PLAC1: variants seen among roughly 807,000 people sequenced by gnomAD.
PLAC1 encodes the protein placenta-specific protein 1.
For missense variants in PLAC1, 136 were observed against 163.2 expected (o/e 0.83, Z 0.91); for synonymous variants, 68 against 62.1 (o/e 1.09, Z -0.44).
intron 2 of PLAC1, among the ~76,000 whole-genome samples, chrX:134,684,422 A>AAC (rs1258637910): frequency 1.8e-5 from 2 of 108,725 alleles, no homozygotes; most frequent in Non-Finnish European, 3.8e-5. Context: ...AAAAAAAAAA[A>AAC]AAAAAAAAAA....
At chrX:134,761,443 G>A (rs897301192) in intron 1 of PLAC1, among the ~76,000 whole-genome samples, 32 of 112,072 alleles carry the variant, frequency 2.9e-4, no homozygotes, top group African/African-American at 8.8e-4. Context: ...GTTCGGGATC[G>A]GGGGGAAGGG....
chrX:134,649,912 G>A (rs761561580), intron 1 of PLAC1, among the ~76,000 whole-genome samples: 2 of 111,457 alleles, frequency 1.8e-5, no homozygotes, highest in Non-Finnish European at 3.8e-5. Flanking sequence ...CGCCCCGGGG[G>A]GAATCACAGA....
chrX:134,753,008 G>A (rs972873578), intron 1 of PLAC1, among the ~76,000 whole-genome samples: 12 of 111,454 alleles, frequency 1.1e-4, no homozygotes, highest in East Asian at 5.6e-4. Flanking sequence ...CAGCACATCC[G>A]CCTTTCTTGC....
At chrX:134,724,833 T>A (rs1301543557) in intron 2 of PLAC1, among the ~76,000 whole-genome samples, 1 of 110,971 alleles carries the variant, frequency 9.0e-6, no homozygotes, top group African/African-American at 3.3e-5. Flanking sequence ...CGAAACCCCA[T>A]CTCTACAAAA....
intron 2 of PLAC1, among the ~76,000 whole-genome samples, chrX:134,672,066 T>C (rs942083276): frequency 1.8e-5 from 2 of 111,655 alleles, no homozygotes; most frequent in African/African-American, 6.5e-5. Context: ...CAGTACAAAG[T>C]ACACTGCCTG....
rs146915449 is a variant in PLAC1, at chrX:134,668,468, T to C, written n.174+64967A>G. Among the ~76,000 whole-genome samples, 981 of 112,768 alleles carry C rather than the reference T, an allele frequency of 8.7e-3. 11 individuals carry two copies. Among genetic ancestry groups the C allele is most frequent in the African/African-American group, 0.03 (942 of 31,038 alleles). On this transcript the variant is annotated intron_variant and non_coding_transcript_variant, in intron 2 of 2. Transcript: ENST00000466797. The stretch of plus-strand genomic sequence containing the variant: ...ATGGTAGGGCTAAGATGTCAGTCCA[T>C]TCAGTCTTACTCCAGCACCCACACC...
chrX:134,730,082 C>T (rs759845055), intron 2 of PLAC1, among the ~76,000 whole-genome samples: 4 of 111,901 alleles, frequency 3.6e-5, no homozygotes, highest in Non-Finnish European at 7.5e-5. Context: ...TGAGCCATCA[C>T]ACCTGGCCCC....
intron 2 of PLAC1, among the ~76,000 whole-genome samples, chrX:134,664,959 A>G (rs2147807727): frequency 8.9e-6 from 1 of 112,001 alleles, no homozygotes; most frequent in South Asian, 3.7e-4. Context: ...ACATATGCTA[A>G]TTAAAAATAA....
chrX:134,724,289 A>G (rs1416795567), intron 2 of PLAC1, among the ~76,000 whole-genome samples: 1 of 112,689 alleles, frequency 8.9e-6, no homozygotes, highest in Non-Finnish European at 1.9e-5. Flanking sequence ...CTCAGTTAAC[A>G]TTAGAGAAAG....
At position 134,565,999 on chromosome X, in the gene PLAC1, A is replaced by G. The variant is rs1170552919; in HGVS notation, c.*45T>C. The G allele has an allele frequency of 2.7e-6, 3 of 1,096,935 alleles. No individual in the cohort carries two copies. The highest frequency in any genetic ancestry group is 3.7e-6 in the Non-Finnish European group (3 of 801,124). 90.4% of individuals were successfully genotyped at this position (1,096,935 alleles called of 1,213,427 possible). A position where few individuals can be genotyped will look rare whatever the true frequency, so the allele number is the denominator to read the frequency against. On this transcript the variant is annotated 3_prime_UTR_variant, in exon 3 of 3. Transcript: ENST00000359237. ...TTTGTCAGACATTTGTACACTATAT[A>G]CTAATTCTAGAAATAGCATCTTCAG... is the stretch of plus-strand genomic sequence containing the variant.
At chrX:134,609,092 C>A (rs1359460625) in intron 1 of PLAC1, among the ~76,000 whole-genome samples, 1 of 111,057 alleles carries the variant, frequency 9.0e-6, no homozygotes, top group Admixed American at 9.6e-5. Context: ...CCTTCCTCAG[C>A]CTCTCAAAGT....
chrX:134,626,772 T>C (rs2078238732), intron 1 of PLAC1, among the ~76,000 whole-genome samples: 1 of 112,440 alleles, frequency 8.9e-6, no homozygotes, highest in South Asian at 3.7e-4. Context: ...CCCTTCCCTT[T>C]GGGAGCTGTT....
At chrX:134,623,398 A>T (rs780375603) in intron 1 of PLAC1, among the ~76,000 whole-genome samples, 3 of 112,617 alleles carry the variant, frequency 2.7e-5, no homozygotes, top group Non-Finnish European at 5.6e-5. Context: ...ATGGACAAAT[A>T]GTTAACATTT....
chrX:134,603,027 A>G (rs1168554926), intron 1 of PLAC1, among the ~76,000 whole-genome samples: 1 of 106,356 alleles, frequency 9.4e-6, no homozygotes, highest in Non-Finnish European at 1.9e-5. Context: ...GAAGAAAGAG[A>G]GGCAGTTGGG....
chrX:134,672,915 T>C (rs935821840), intron 2 of PLAC1, among the ~76,000 whole-genome samples: 1 of 112,517 alleles, frequency 8.9e-6, no homozygotes, highest in Non-Finnish European at 1.9e-5. Flanking sequence ...CTATATACTA[T>C]TAGAGGCAAA....
chrX:134,707,990 T>A (rs1056332977), intron 2 of PLAC1, among the ~76,000 whole-genome samples: 1 of 111,598 alleles, frequency 9.0e-6, no homozygotes, highest in African/African-American at 3.3e-5. Context: ...ACTCTAAAAA[T>A]CCTGTAGGTG....
chrX:134,670,775 G>C (rs763927618), intron 2 of PLAC1, among the ~76,000 whole-genome samples: 4 of 111,991 alleles, frequency 3.6e-5, no homozygotes, highest in Non-Finnish European at 7.5e-5. Flanking sequence ...AAGCAGTCAC[G>C]GGCACCTTTG....
chrX:134,743,261 A>C (rs2078721401), intron 1 of PLAC1, among the ~76,000 whole-genome samples: 1 of 112,605 alleles, frequency 8.9e-6, no homozygotes, highest in Admixed American at 9.3e-5. Context: ...CATATATTGC[A>C]TGTTTTTTCC....
chrX:134,718,489 G>GT (rs1468292908), intron 2 of PLAC1, among the ~76,000 whole-genome samples: 1 of 112,378 alleles, frequency 8.9e-6, no homozygotes, highest in African/African-American at 3.2e-5. Flanking sequence ...CATTCCTCAC[G>GT]TTCAGGGAAT....
Sources: gnomAD v4.1 joint callset for allele counts (sites outside exome capture counted in the v4.1 genomes callset) on GRCh38, gnomAD v4.1.1 for gene constraint, MANE v1.5 for transcripts, NCBI Gene and HGNC (gene_info 2026-07-23, HGNC 2026-07-21) for gene names.